Variants in GON4L observed in about 807,000 individuals in gnomAD.
GON4L encodes GON-4-like protein.
Under a neutral mutation model 211.8 loss-of-function variants are expected in GON4L, and 87 were observed. That is an observed-to-expected ratio of 0.41 (90% CI 0.35 to 0.49). The LOEUF (loss-of-function observed/expected upper bound fraction) is 0.49. Among genes scored for constraint, GON4L ranks in the 20% least tolerant of loss-of-function variants. The probability of loss-of-function intolerance (pLI) is 0.15; values close to 1 mark genes in which losing one functional copy is unlikely to be tolerated. For synonymous variants in GON4L, 875 were observed against 962.6 expected, an observed-to-expected ratio of 0.91 and a Z score of 1.68; for missense variants, 2,155 against 2,659.5, an observed-to-expected ratio of 0.81 and a Z score of 4.17.
intron 4 of GON4L, among the ~76,000 whole-genome samples, 164 bp from the exon 5 acceptor site, chr1:155,821,712 GAAGT>G (rs1458086101): frequency 2.0e-5 from 3 of 152,246 alleles, no homozygotes; most frequent in Non-Finnish European, 2.9e-5. Flanking sequence ...AAAGAAGGCA[GAAGT>G]AAGTTTTGGC....
intron 12 of GON4L, among the ~76,000 whole-genome samples, chr1:155,789,361 T>A (rs748689501): frequency 6.6e-6 from 1 of 151,886 alleles, no homozygotes; most frequent in Non-Finnish European, 1.5e-5. Flanking sequence ...AAGTGAAGTA[T>A]AGGCTCATGC....
Position 155,826,962 on chromosome 1 carries a change from G to C in GON4L, c.572C>G (p.Pro191Arg). Reference protein sequence around the residue: ...SLPSGSQSAKPVSQPRKSTQP... With the variant: ...SLPSGSQSAKRVSQPRKSTQP... ...GGTTGATTTCCTGGGCTGGCTTACT[G>C]GTTTTGCAGATTGGCTGCCTGATGG... The change falls in exon 3 of 32, where the codon CCA becomes CGA. Residue 191 changes from proline (P) to arginine (R), a missense_variant. By Grantham distance (103) the Pro-to-Arg change is moderately radical (BLOSUM62 -2). Transcript: ENST00000368331. 6.2e-7 allele frequency: 1 copy of C among 1,613,988 alleles called. No homozygotes were observed. Among genetic ancestry groups the C allele is most frequent in the Non-Finnish European group, 8.5e-7 (1 of 1,179,844 alleles).
At chr1:155,783,854 C>T (rs1664661037) in intron 14 of GON4L, 132 bp downstream of exon 14, 2 of 1,528,388 alleles carry the variant, frequency 1.3e-6, no homozygotes, top group Non-Finnish European at 1.8e-6. Flanking sequence ...TAACTCCTGA[C>T]AGGGCTCTGC....
At chr1:155,773,689 G>A (rs1375476241) in intron 17 of GON4L, among the ~76,000 whole-genome samples, 3 of 152,050 alleles carry the variant, frequency 2.0e-5, no homozygotes, top group African/African-American at 7.3e-5. Context: ...TCCTCCTGAG[G>A]CTGGGAACAA....
At chr1:155,774,807 C>G in intron 17 of GON4L, 195 bp downstream of exon 17, 1 of 899,716 alleles carries the variant, frequency 1.1e-6, no homozygotes, top group Non-Finnish European at 1.8e-6. Context: ...CACACTTTAC[C>G]CAGGCCCAGA....
At chr1:155,763,588 T>C (rs1662071680) in intron 21 of GON4L, 24 bp from the exon 22 acceptor site, 2 of 1,520,598 alleles carry the variant, frequency 1.3e-6, no homozygotes, top group Non-Finnish European at 1.8e-6. Context: ...CAAAGAGTAC[T>C]TATAATGGCT....
intron 2 of GON4L, among the ~76,000 whole-genome samples, chr1:155,828,863 A>G (rs900656910): frequency 1.3e-5 from 2 of 151,872 alleles, no homozygotes; most frequent in African/African-American, 4.8e-5. Flanking sequence ...TCAAGGAAAT[A>G]GCTTGCATAT....
Position 155,813,769 on chromosome 1 carries a change from G to C in GON4L, c.1317C>G (p.Ile439Met), listed in dbSNP as rs1224473245. 2 of 1,613,982 alleles carry C rather than the reference G, an allele frequency of 1.2e-6. No homozygotes were observed. The highest frequency in any genetic ancestry group is 1.7e-6 in the Non-Finnish European group (2 of 1,179,872). The change falls in exon 10 of 32, where the codon ATC (isoleucine) becomes ATG (methionine). Residue 439 changes from isoleucine (I) to methionine (M), a missense_variant. Transcript: ENST00000368331. The part of the protein sequence containing the change: ...EKVTTPAIRH[I>M]SAEVVPMGPP... ...GCCCCATGGGCACTACCTCAGCACTGATGTGCCTGATGGCTGGTGTGGTGA... is the reference window on the plus strand; with the variant it reads ...GCCCCATGGGCACTACCTCAGCACTCATGTGCCTGATGGCTGGTGTGGTGA...
chr1:155,819,426 T>C (rs1451486286), intron 6 of GON4L, among the ~76,000 whole-genome samples: 8 of 152,274 alleles, frequency 5.3e-5, no homozygotes, highest in Middle Eastern at 6.8e-3. Flanking sequence ...TTTTCTTGCT[T>C]TTTTTTCTAG....
Position 155,762,900 on chromosome 1 carries a change from G to A in GON4L, c.4726+412C>T, listed in dbSNP as rs148657390. Among the ~76,000 whole-genome samples, 584 of 152,172 alleles carry A rather than the reference G, an allele frequency of 3.8e-3. 5 individuals carry two copies. Among genetic ancestry groups the A allele is most frequent in the African/African-American group, 0.013 (560 of 41,522 alleles). On this transcript the variant is annotated intron_variant, in intron 22 of 31. Coordinates refer to ENST00000368331, the MANE Select transcript of GON4L (RefSeq NM_001282860.2). ...AAAATACAAAAATTAGCTGGGTGTGGGGGCAGATGCCTGTAATCCCAGCTA... is the reference window on the plus strand; with the variant it reads ...AAAATACAAAAATTAGCTGGGTGTGAGGGCAGATGCCTGTAATCCCAGCTA...
At chr1:155,850,177 C>A (rs1336386563) in intron 2 of GON4L, among the ~76,000 whole-genome samples, 2 of 152,042 alleles carry the variant, frequency 1.3e-5, no homozygotes, top group Non-Finnish European at 1.5e-5. Context: ...TTGTCCACAT[C>A]AACTATGTGC....
At chr1:155,821,094 G>A (rs1380703312) in intron 5 of GON4L, among the ~76,000 whole-genome samples, 25 of 151,974 alleles carry the variant, frequency 1.6e-4, no homozygotes, top group African/African-American at 5.3e-4. Flanking sequence ...GTGAAACCCC[G>A]TCTCTATTAA....
At chr1:155,827,054 A>C in intron 2 of GON4L, 26 bp from the exon 3 acceptor site, 1 of 1,526,068 alleles carries the variant, frequency 6.6e-7, no homozygotes, top group Non-Finnish European at 9.1e-7. Flanking sequence ...ATATTGCTCC[A>C]CACTTTGACC....
intron 12 of GON4L, among the ~76,000 whole-genome samples, chr1:155,789,436 C>T (rs969998948): frequency 1.3e-5 from 2 of 151,788 alleles, no homozygotes; most frequent in Non-Finnish European, 2.9e-5. Flanking sequence ...TCGAGACCAG[C>T]CTGGCCAAGA....
downstream of GON4L, chr1:155,748,564 T>C: frequency 6.2e-7 from 1 of 1,613,612 alleles, no homozygotes; most frequent in Non-Finnish European, 8.5e-7. Flanking sequence ...GGGTCAGTGC[T>C]GAGAAAATGT....
At chr1:155,790,736 G>A (rs1172881258) in intron 12 of GON4L, among the ~76,000 whole-genome samples, 1 of 150,334 alleles carries the variant, frequency 6.7e-6, no homozygotes, top group Non-Finnish European at 1.5e-5. Context: ...ACAAGGTCAG[G>A]AGATCGAGAC....
At chr1:155,824,068 G>T (rs1000314943) in intron 3 of GON4L, among the ~76,000 whole-genome samples, 1 of 152,006 alleles carries the variant, frequency 6.6e-6, no homozygotes, top group South Asian at 2.1e-4. Context: ...AAAATCTATA[G>T]AATGTTCACA....
chr1:155,799,327 G>C (rs758420702), intron 11 of GON4L, among the ~76,000 whole-genome samples: 17 of 152,170 alleles, frequency 1.1e-4, no homozygotes, highest in Admixed American at 2.6e-4. Flanking sequence ...CTAGCTACTA[G>C]GGAGGTGGAG....
At chr1:155,832,806 G>C (rs1216231402) in intron 2 of GON4L, 1 of 152,020 alleles carries the variant, frequency 6.6e-6, no homozygotes, top group African/African-American at 2.4e-5. Flanking sequence ...TTACTTAAAA[G>C]AAAGTAAAAC....
Sources: allele counts gnomAD v4.1 joint callset (sites outside exome capture counted in the v4.1 genomes callset), GRCh38; gene constraint gnomAD v4.1.1; transcripts MANE v1.5; gene names NCBI Gene and HGNC (gene_info 2026-07-23, HGNC 2026-07-21).